RBFOX3: variants seen among roughly 807,000 people sequenced by gnomAD.
RBFOX3 encodes RNA binding fox-1 homolog 3.
RBFOX3 carries 17 observed loss-of-function variants against 48.7 expected under a neutral mutation model. That is an observed-to-expected ratio of 0.35 (90% CI 0.24 to 0.52). The LOEUF (loss-of-function observed/expected upper bound fraction) is 0.52, where lower values mean the gene tolerates loss of function less well. RBFOX3 is among the 20% of genes least tolerant of loss of function. The pLI, the probability that RBFOX3 is intolerant of heterozygous loss-of-function variation, is 0.94. For synonymous variants in RBFOX3, 212 were observed against 209.5 expected (o/e 1.01, Z -0.10); for missense variants, 382 against 497.5 (o/e 0.77, Z 2.21).
chr17:79,651,468 T>A, the RBFOX3 span, among the ~76,000 whole-genome samples: 2 of 151,996 alleles, frequency 1.3e-5, no homozygotes, highest in Non-Finnish European at 2.9e-5. Context: ...CCCCGGGCCG[T>A]CCCCTCCCAC....
chr17:79,137,851 C>T (rs550302394), intron 4 of RBFOX3, among the ~76,000 whole-genome samples: 5 of 152,328 alleles, frequency 3.3e-5, no homozygotes, highest in African/African-American at 1.2e-4. Context: ...CAAAGCGGGG[C>T]CATTTCCTCC....
chr17:79,620,385 G>A, the RBFOX3 span, among the ~76,000 whole-genome samples: 1 of 136,842 alleles, frequency 7.3e-6, no homozygotes. Flanking sequence ...ACACACACAT[G>A]CACACATGCC....
chr17:79,379,711 G>A (rs899935388), intron 2 of RBFOX3, among the ~76,000 whole-genome samples: 2 of 152,128 alleles, frequency 1.3e-5, no homozygotes, highest in African/African-American at 4.8e-5. Context: ...GCAAATCCCG[G>A]ATGGACTCAT....
Position 79,479,589 on chromosome 17 carries a change from C to T in RBFOX3, c.-175+2865G>A, listed in dbSNP as rs962397983. Among the ~76,000 whole-genome samples, 8 of 152,192 alleles carry T rather than the reference C, an allele frequency of 5.3e-5. No homozygotes were observed. The highest frequency in any genetic ancestry group is 2.0e-4 in the Admixed American group (3 of 15,282). On this transcript the variant is annotated intron_variant, in intron 2 of 14. Coordinates refer to ENST00000693108, the MANE Select transcript of RBFOX3 (RefSeq NM_001350451.2). The surrounding 1 kb of genome is among the most constrained non-coding windows in gnomAD (Gnocchi z 5.1). ...ACAAGGGGCTGGACAGTGAACACAC[C>T]GAGGGAAGCAGCTCAGGTCCAAAAG... is the stretch of plus-strand genomic sequence containing the variant.
At chr17:79,499,113 T>TATCC (rs1218019856) in intron 1 of RBFOX3, among the ~76,000 whole-genome samples, 9 of 133,290 alleles carry the variant, frequency 6.8e-5, no homozygotes, top group Middle Eastern at 6.0e-3. Context: ...TCTATCCACT[T>TATCC]ATCCATCCAT....
intron 4 of RBFOX3, among the ~76,000 whole-genome samples, chr17:79,130,358 C>A (rs748033511): frequency 1.3e-5 from 2 of 152,180 alleles, no homozygotes; most frequent in African/African-American, 2.4e-5. Flanking sequence ...CAGAGCCACA[C>A]TGTGGGTGAG....
chr17:79,507,995 G>A (rs2083424385), intron 1 of RBFOX3, among the ~76,000 whole-genome samples: 1 of 152,198 alleles, frequency 6.6e-6, no homozygotes, highest in Non-Finnish European at 1.5e-5. Flanking sequence ...ACCTGAATGG[G>A]GCTTAGGAAC....
the RBFOX3 span, among the ~76,000 whole-genome samples, chr17:79,642,118 T>C: frequency 1.3e-5 from 2 of 152,098 alleles, no homozygotes; most frequent in Non-Finnish European, 1.5e-5. Context: ...AGACACAGAA[T>C]GACAAATACC....
intron 2 of RBFOX3, among the ~76,000 whole-genome samples, chr17:79,367,206 G>A (rs905543919): frequency 2.0e-5 from 3 of 150,524 alleles, no homozygotes; most frequent in Admixed American, 6.6e-5. Flanking sequence ...CCTTCTCCTC[G>A]AAGTCCTCCT....
At chr17:79,579,781 G>A (rs1420768683) in intron 1 of RBFOX3, among the ~76,000 whole-genome samples, 1 of 147,466 alleles carries the variant, frequency 6.8e-6, no homozygotes, top group East Asian at 2.1e-4. Flanking sequence ...TGGCGCCGTG[G>A]TGGGGGTGTC....
chr17:79,556,616 T>TAC (rs2091781406), intron 1 of RBFOX3, among the ~76,000 whole-genome samples: 1 of 152,220 alleles, frequency 6.6e-6, no homozygotes, highest in Admixed American at 6.5e-5. Flanking sequence ...AATTAACGGC[T>TAC]ACTTAAAAGA....
chr17:79,539,955 C>A (rs370014849), intron 1 of RBFOX3, among the ~76,000 whole-genome samples: 1 of 152,162 alleles, frequency 6.6e-6, no homozygotes. Flanking sequence ...AAACCTTTGT[C>A]ATTCATCTGA....
intron 1 of RBFOX3, among the ~76,000 whole-genome samples, chr17:79,553,813 A>G (rs2091370256): frequency 6.6e-6 from 1 of 152,000 alleles, no homozygotes; most frequent in Admixed American, 6.6e-5. Context: ...GCTCACCACA[A>G]CCTCTGCCTC....
At chr17:79,188,427 C>T (rs1392088387) in intron 4 of RBFOX3, among the ~76,000 whole-genome samples, 2 of 152,220 alleles carry the variant, frequency 1.3e-5, no homozygotes, top group African/African-American at 4.8e-5. Context: ...AATTAAGAGG[C>T]GTTTGCCAGC....
In RBFOX3 at chr17:79,242,186, C is replaced by A. The variant is rs8074692; in HGVS notation, c.-73-6381G>T. ...AGACCTTGGGAGCTCTGGTTCCCAG[C>A]GTGCTGCTGCTGCTGGTGGAGGGGG... is the stretch of plus-strand genomic sequence containing the variant. On this transcript the variant is annotated intron_variant, in intron 3 of 14. Coordinates refer to ENST00000693108, the MANE Select transcript of RBFOX3 (RefSeq NM_001350451.2). This position sits in a 1 kb window ranked among gnomAD's most constrained non-coding sequence, Gnocchi z 5.8. 6.6e-6 allele frequency among the ~76,000 whole-genome samples: 1 copy of A among 151,932 alleles called. No individual in the cohort carries two copies. The highest frequency in any genetic ancestry group is 1.5e-5 in the Non-Finnish European group (1 of 67,972).
intron 1 of RBFOX3, among the ~76,000 whole-genome samples, chr17:79,555,270 GGTGGTGGTGGTA>G (rs2143829104): frequency 6.6e-6 from 1 of 152,002 alleles, no homozygotes; most frequent in Non-Finnish European, 1.5e-5. Flanking sequence ...TGATGGCCAT[GGTGGTGGTGGTA>G]GTGGTGGTGA....
chr17:79,664,797 C>T, the RBFOX3 span, among the ~76,000 whole-genome samples: 1 of 152,212 alleles, frequency 6.6e-6, no homozygotes, highest in African/African-American at 2.4e-5. Flanking sequence ...CCCCCGGTCC[C>T]TGGAGACCAC....
chr17:79,279,563 A>T (rs918313881), intron 3 of RBFOX3, among the ~76,000 whole-genome samples: 10 of 152,196 alleles, frequency 6.6e-5, no homozygotes, highest in Non-Finnish European at 1.3e-4. Context: ...GACCCAGTCC[A>T]AATAACCTAT....
rs4789954 is a variant in RBFOX3, at chr17:79,204,696, G to T, written c.-34+31070C>A. On this transcript the variant is annotated intron_variant, in intron 4 of 14. Coordinates refer to ENST00000693108, the MANE Select transcript of RBFOX3 (RefSeq NM_001350451.2). This position sits in a 1 kb window ranked among gnomAD's most constrained non-coding sequence, Gnocchi z 4.5. ...ACCGCTGAGGCATTTGGAAAGCTTC[G>T]TGGTGAGTGCCTTCACTTAGGGTTG... Among the ~76,000 whole-genome samples the T allele has an allele frequency of 0.3, 45,310 of 151,992 alleles. 7,331 individuals carry two copies. Among genetic ancestry groups the T allele is most frequent in the Admixed American group, 0.43 (6,630 of 15,278 alleles).
Sources: gnomAD v4.1 joint callset for allele counts (sites outside exome capture counted in the v4.1 genomes callset) on GRCh38, gnomAD v4.1.1 for gene constraint, Gnocchi (gnomAD v3.1) non-coding constraint, MANE v1.5 for transcripts, NCBI Gene and HGNC (gene_info 2026-07-23, HGNC 2026-07-21) for gene names.